Variants in PHC2 observed in about 807,000 individuals in gnomAD.
The protein encoded by PHC2 is polyhomeotic homolog 2, also known as polyhomeotic-like protein 2.
A neutral mutation model predicts 87.4 loss-of-function variants in PHC2; 29 were observed. The ratio of observed to expected loss-of-function variants is 0.33; its 90% CI spans 0.25 to 0.45. The LOEUF is 0.45. Ranked by LOEUF, PHC2 falls within the 20% of genes least tolerant of loss-of-function variation. The pLI is 1.00. For synonymous variants in PHC2, 438 were observed against 461.7 expected, an observed-to-expected ratio of 0.95 and a Z score of 0.66; for missense variants, 857 against 1,136.7, an observed-to-expected ratio of 0.75 and a Z score of 3.54.
intron 1 of PHC2, among the ~76,000 whole-genome samples, chr1:33,413,713 TC>T (rs200566559): frequency 0.014 from 2,072 of 152,334 alleles, 17 homozygotes; most frequent in Middle Eastern, 0.044. Flanking sequence ...GATGTATCAG[TC>T]TTTTTCAGTA....
At position 33,364,230 on chromosome 1, in the gene PHC2, C is replaced by T. The variant is rs1033418111; in HGVS notation, c.976+2886G>A. ...GGAGAACACATTCCTCACTGCCATA[C>T]CCCCTCCTACTGGCCCACTGCAAGT... On this transcript the variant is annotated intron_variant, in intron 7 of 14. Coordinates refer to ENST00000683057, the MANE Select transcript of PHC2 (RefSeq NM_001385109.1). This position sits in a 1 kb window ranked among gnomAD's most constrained non-coding sequence, Gnocchi z 4.1. 3.9e-5 allele frequency among the ~76,000 whole-genome samples: 6 copies of T among 152,016 alleles called. No homozygotes were observed. Among genetic ancestry groups the T allele is most frequent in the Non-Finnish European group, 7.4e-5 (5 of 68,016 alleles).
At chr1:33,374,792 C>T (rs978462324) in intron 2 of PHC2, among the ~76,000 whole-genome samples, 2 of 152,162 alleles carry the variant, frequency 1.3e-5, no homozygotes, top group African/African-American at 4.8e-5. Flanking sequence ...TTCTCTGAGC[C>T]CCAGTTTTCT....
At chr1:33,390,877 AC>A (rs775064656) in intron 1 of PHC2, among the ~76,000 whole-genome samples, 1 of 152,194 alleles carries the variant, frequency 6.6e-6, no homozygotes, top group Non-Finnish European at 1.5e-5. Context: ...TGGTTTATGC[AC>A]CCCTGAAATG....
At chr1:33,366,926 C>CTT (rs1647485302) in intron 7 of PHC2, among the ~76,000 whole-genome samples, 190 bp downstream of exon 7, 3 of 152,144 alleles carry the variant, frequency 2.0e-5, no homozygotes, top group Admixed American at 2.0e-4. Context: ...GGCTGCCCTG[C>CTT]GTAAAGTTAG....
intron 9 of PHC2, chr1:33,346,483 T>A (rs10753281): frequency 0.33 from 325,295 of 984,716 alleles, 57,103 homozygotes; most frequent in African/African-American, 0.65. Context: ...CAGAAGAGAA[T>A]CTTTCTATGG....
intron 7 of PHC2, among the ~76,000 whole-genome samples, chr1:33,355,601 G>A (rs1287456011): frequency 3.9e-5 from 6 of 152,272 alleles, no homozygotes; most frequent in Middle Eastern, 3.4e-3. Context: ...ACATGCTCTC[G>A]CTCTCCTCCA....
At position 33,430,834 on chromosome 1, in the gene PHC2, G is replaced by C. The variant is rs936765842; in HGVS notation, c.-55+142C>G. ...CCCATGGCAATGCCCCGCCCCGCGC[G>C]GCCCGTCCCGGCCGAGCGCTCCGGC... On this transcript the variant is annotated intron_variant, in intron 1 of 14. Coordinates refer to ENST00000683057, the MANE Select transcript of PHC2 (RefSeq NM_001385109.1). The C allele has an allele frequency of 4.7e-5, 7 of 150,164 alleles. No homozygotes were observed. The South Asian group carries it at 1.4e-3, about 31-fold the overall frequency. 9.3% of individuals were successfully genotyped at this position (150,164 alleles called of 1,614,324 possible).
Position 33,370,431 on chromosome 1 carries a change from C to G in PHC2, c.566G>C (p.Arg189Thr). 1 of 1,613,640 alleles carries G rather than the reference C, an allele frequency of 6.2e-7. No individual in the cohort carries two copies. Reference sequence around the variant, plus strand: ...GCCATGGGTACTCACCATCTGTGCCCTCAGATACATCTGTGCTTGGCTTGC... The same window carrying G: ...GCCATGGGTACTCACCATCTGTGCCGTCAGATACATCTGTGCTTGGCTTGC... ...LTASQAQMYL[R>T]AQMLIFTPTA... Residue 189 changes from arginine to threonine, a missense_variant, in exon 5 of 15, where the codon AGG becomes ACG. Around this residue, in one of 3 missense-constraint regions of PHC2, gnomAD observed 832 missense variants for 1,081.8 expected, o/e 0.77. Transcript: ENST00000683057.
At chr1:33,403,832 T>G (rs1393156559) in intron 1 of PHC2, among the ~76,000 whole-genome samples, 1 of 152,186 alleles carries the variant, frequency 6.6e-6, no homozygotes, top group Non-Finnish European at 1.5e-5. Flanking sequence ...CTTGAAACAG[T>G]AAATACCCTT....
intron 1 of PHC2, among the ~76,000 whole-genome samples, chr1:33,404,406 G>A (rs114401628): frequency 3.4e-4 from 52 of 152,218 alleles, no homozygotes; most frequent in Admixed American, 7.9e-4. Flanking sequence ...CCTACATAGA[G>A]GTAGCTTAAT....
At chr1:33,400,458 A>G (rs563835061) in intron 1 of PHC2, among the ~76,000 whole-genome samples, 17 of 152,376 alleles carry the variant, frequency 1.1e-4, no homozygotes, top group African/African-American at 3.6e-4. Flanking sequence ...GTTAACATTT[A>G]TTAAGCACTT....
intron 1 of PHC2, among the ~76,000 whole-genome samples, chr1:33,420,589 A>G (rs1650394953): frequency 6.6e-6 from 1 of 151,978 alleles, no homozygotes; most frequent in East Asian, 1.9e-4. Flanking sequence ...TGTATTCATG[A>G]TTTGAACTCG....
chr1:33,373,560 T>C (rs1000852930), intron 2 of PHC2, among the ~76,000 whole-genome samples: 4 of 152,088 alleles, frequency 2.6e-5, no homozygotes, highest in African/African-American at 9.7e-5. Context: ...AGGCTGTCCT[T>C]TGATCCTCCC....
intron 3 of PHC2, among the ~76,000 whole-genome samples, chr1:33,371,488 C>T (rs995603027): frequency 2.0e-5 from 3 of 152,100 alleles, no homozygotes; most frequent in East Asian, 1.9e-4. Context: ...CACCTGGCCA[C>T]CGCCATCACA....
At position 33,349,338 on chromosome 1, in the gene PHC2, T is replaced by C; in HGVS notation, c.1558+5063A>G. On this transcript the variant is annotated intron_variant, in intron 9 of 14. Transcript: ENST00000683057. This position sits in a 1 kb window ranked among gnomAD's most constrained non-coding sequence, Gnocchi z 4.2. ...GGGCTGGGGTGGGGTGTGCGGGGCC[T>C]GGGGACGCGGAAGCTGCGGCGCGCC... is the stretch of plus-strand genomic sequence containing the variant. 2 of 983,248 alleles carry C rather than the reference T, an allele frequency of 2.0e-6. No individual in the cohort carries two copies. 60.9% of individuals were successfully genotyped at this position (983,248 alleles called of 1,614,324 possible).
chr1:33,351,530 G>T (rs551998387), intron 9 of PHC2, among the ~76,000 whole-genome samples: 1 of 152,072 alleles, frequency 6.6e-6, no homozygotes, highest in East Asian at 1.9e-4. Context: ...ACTTTCTATT[G>T]TAATTTTTTT....
At chr1:33,325,627 G>C (rs746015780) in intron 14 of PHC2, 1 of 306,670 alleles carries the variant, frequency 3.3e-6, no homozygotes, top group African/African-American at 2.2e-5. Context: ...CTAGTTCTTA[G>C]ACTAAGAGGA....
Position 33,328,782 on chromosome 1 carries a change from ACTAC to A in PHC2, c.2425+84_2425+87del, listed in dbSNP as rs1372724713. On this transcript the variant is annotated intron_variant, in intron 14 of 14. Coordinates refer to ENST00000683057, the MANE Select transcript of PHC2 (RefSeq NM_001385109.1). The stretch of plus-strand genomic sequence containing the variant: ...TTCCTGAACCTGAGTCATTAACTAA[ACTAC>A]CTAATCCTCCTGGTGGTGGGAGGGT... 6.0e-6 allele frequency: 8 copies of A among 1,332,758 alleles called. No individual in the cohort carries two copies. In the South Asian group the frequency reaches 1.1e-4, roughly 19 times the overall value. The allele number at this position is 1,332,758 out of a possible 1,614,324, so 82.6% of individuals were successfully genotyped here.
intron 7 of PHC2, among the ~76,000 whole-genome samples, chr1:33,365,650 G>T (rs978090317): frequency 2.6e-5 from 4 of 152,236 alleles, no homozygotes; most frequent in Admixed American, 2.6e-4. Context: ...AGAAAGCCAT[G>T]CCAGACAGTG....
Sources: allele counts gnomAD v4.1 joint callset (sites outside exome capture counted in the v4.1 genomes callset), GRCh38; gene constraint gnomAD v4.1.1; regional missense constraint gnomAD v4.1.1; non-coding constraint Gnocchi (gnomAD v3.1); transcripts MANE v1.5; gene names NCBI Gene and HGNC (gene_info 2026-07-23, HGNC 2026-07-21).